CREM: variants seen among roughly 807,000 people sequenced by gnomAD.
CREM encodes cAMP responsive element modulator, also known as cAMP-responsive element modulator.
A neutral mutation model predicts 37.3 loss-of-function variants in CREM; 13 were observed. That is an observed-to-expected ratio of 0.35 (90% CI 0.23 to 0.55). The LOEUF is 0.55. CREM is among the 20% of genes least tolerant of loss of function. The pLI, the probability that CREM is intolerant of heterozygous loss-of-function variation, is 0.88. For synonymous variants in CREM, 124 were observed against 120.2 expected (o/e 1.03, Z -0.21); for missense variants, 296 against 362.3 (o/e 0.82, Z 1.49).
At chr10:35,169,522 C>A (rs2093701859) in intron 3 of CREM, among the ~76,000 whole-genome samples, 1 of 152,180 alleles carries the variant, frequency 6.6e-6, no homozygotes, top group Admixed American at 6.5e-5. Flanking sequence ...TCTAAATATA[C>A]AATCATGTCA....
At chr10:35,138,475 C>G (rs1326650014) in intron 2 of CREM, among the ~76,000 whole-genome samples, 1 of 151,716 alleles carries the variant, frequency 6.6e-6, no homozygotes, top group Non-Finnish European at 1.5e-5. Flanking sequence ...TAGTGCACTT[C>G]CTCTGCAATG....
chr10:35,195,352 A>G, intron 6 of CREM: 4 of 842,410 alleles, frequency 4.7e-6, no homozygotes, highest in Non-Finnish European at 7.5e-6. Flanking sequence ...TGAAATATAC[A>G]TCTATATATT....
At chr10:35,154,142 G>T (rs1413387993) in intron 3 of CREM, 7 of 398,414 alleles carry the variant, frequency 1.8e-5, no homozygotes, top group African/African-American at 1.4e-4. Context: ...TTTAACAAGG[G>T]ATACTTGGAA....
intron 6 of CREM, among the ~76,000 whole-genome samples, chr10:35,205,092 GACAA>G (rs1460698165): frequency 3.3e-4 from 51 of 152,290 alleles, no homozygotes; most frequent in African/African-American, 1.1e-3. Context: ...TCATCAGAGT[GACAA>G]ACTAACTCTG....
chr10:35,212,065 C>G lies in CREM; in HGVS notation c.*667C>G, dbSNP rs567295895. On this transcript the variant is annotated 3_prime_UTR_variant, in exon 8 of 8. Transcript: ENST00000685392. ...TTGTTCCAATGCCACATACTTGCAG[C>G]TCCCATTCTATGTGTCATCAATAGT... is the stretch of plus-strand genomic sequence containing the variant. 3.1e-6 allele frequency: 1 copy of G among 320,760 alleles called. No homozygotes were observed. Among genetic ancestry groups the G allele is most frequent in the East Asian group, 5.3e-5 (1 of 18,770 alleles). The allele number at this position is 320,760 out of a possible 1,614,324, so 19.9% of individuals were successfully genotyped here.
chr10:35,152,629 CTTATTTA>C (rs2136106738), intron 3 of CREM, among the ~76,000 whole-genome samples: 1 of 152,210 alleles, frequency 6.6e-6, no homozygotes, highest in Admixed American at 6.5e-5. Context: ...AAGCTGGTAT[CTTATTTA>C]TTAAGTACGT....
At chr10:35,129,656 A>C (rs1490149268) in intron 1 of CREM, among the ~76,000 whole-genome samples, 1 of 152,234 alleles carries the variant, frequency 6.6e-6, no homozygotes, top group Admixed American at 6.5e-5. Flanking sequence ...CTTAAAATAA[A>C]ACTGAACAGT....
At position 35,188,694 on chromosome 10, in the gene CREM, C is replaced by G. The variant is rs1001376753; in HGVS notation, c.598+306C>G. On this transcript the variant is annotated intron_variant, in intron 6 of 7. Transcript: ENST00000685392. ...TTTTTTTTTGAGATGGAGTCTCGCTCTGGCGCCCAGGCTGGAGTACAATGG... is the reference window on the plus strand; with the variant it reads ...TTTTTTTTTGAGATGGAGTCTCGCTGTGGCGCCCAGGCTGGAGTACAATGG... Among the ~76,000 whole-genome samples the G allele has an allele frequency of 1.9e-4, 28 of 146,342 alleles. 1 individual carries two copies. Among genetic ancestry groups the G allele is most frequent in the African/African-American group, 7.1e-4 (28 of 39,424 alleles).
intron 3 of CREM, among the ~76,000 whole-genome samples, chr10:35,164,117 A>G (rs1307909356): frequency 1.3e-5 from 2 of 152,198 alleles, no homozygotes; most frequent in South Asian, 4.1e-4. Flanking sequence ...TACTAATTTT[A>G]TGCAGTTTTA....
At chr10:35,180,262 A>G (rs941459709) in intron 5 of CREM, among the ~76,000 whole-genome samples, 1 of 152,204 alleles carries the variant, frequency 6.6e-6, no homozygotes, top group African/African-American at 2.4e-5. Flanking sequence ...GATATTAAAT[A>G]ATGTGTTTAT....
chr10:35,138,662 G>A (rs1399486382), intron 2 of CREM, among the ~76,000 whole-genome samples: 1 of 151,564 alleles, frequency 6.6e-6, no homozygotes. Context: ...GAGTAGCTGG[G>A]ATTACAGGGT....
chr10:35,169,037 C>T (rs994174112), intron 3 of CREM, among the ~76,000 whole-genome samples: 13 of 152,118 alleles, frequency 8.5e-5, no homozygotes, highest in African/African-American at 3.1e-4. Context: ...AACGTGATGC[C>T]TCCAGCTTTG....
chr10:35,187,700 T>C (rs2094710650), intron 5 of CREM, among the ~76,000 whole-genome samples: 1 of 152,080 alleles, frequency 6.6e-6, no homozygotes, highest in South Asian at 2.1e-4. Flanking sequence ...AGACAGGGTT[T>C]TCCTGTGTTG....
intron 3 of CREM, among the ~76,000 whole-genome samples, chr10:35,159,649 A>C (rs1200379576): frequency 6.6e-6 from 1 of 152,236 alleles, no homozygotes; most frequent in African/African-American, 2.4e-5. Flanking sequence ...CCTTGACATT[A>C]GTCTGGCCGA....
chr10:35,153,923 AG>A, intron 3 of CREM: 1 of 390,674 alleles, frequency 2.6e-6, no homozygotes, highest in Non-Finnish European at 4.5e-6. Context: ...GAAAGCCGCT[AG>A]GGAATGTTGT....
At chr10:35,175,499 G>A in intron 3 of CREM, 1 of 602,992 alleles carries the variant, frequency 1.7e-6, no homozygotes, top group South Asian at 2.1e-5. Context: ...GAAGAAGTTA[G>A]AGGGTAGTTT....
chr10:35,178,443 C>G (rs1421727484), intron 3 of CREM, among the ~76,000 whole-genome samples: 1 of 152,130 alleles, frequency 6.6e-6, no homozygotes, highest in Admixed American at 6.5e-5. Context: ...ATGTGAAGAC[C>G]CAGCTCACGC....
At chr10:35,146,698 G>C (rs948634848) in intron 2 of CREM, among the ~76,000 whole-genome samples, 8 of 152,312 alleles carry the variant, frequency 5.3e-5, no homozygotes, top group Non-Finnish European at 1.2e-4. Context: ...CTCGACGTTT[G>C]TATTTTGGTA....
chr10:35,156,167 C>G (rs540782141), intron 3 of CREM, among the ~76,000 whole-genome samples: 6 of 152,022 alleles, frequency 3.9e-5, no homozygotes, highest in Admixed American at 2.0e-4. Context: ...TCTCAATCTC[C>G]TGACCTCGTG....
Sources: allele counts gnomAD v4.1 joint callset (sites outside exome capture counted in the v4.1 genomes callset), GRCh38; gene constraint gnomAD v4.1.1; transcripts MANE v1.5; gene names NCBI Gene and HGNC (gene_info 2026-07-23, HGNC 2026-07-21).